The following PLXDC1 variants were observed in gnomAD, a reference collection of about 807,000 sequenced individuals.
The protein encoded by PLXDC1 is plexin domain containing 1.
Under a neutral mutation model 61.3 loss-of-function variants are expected in PLXDC1, and 39 were observed. The observed-to-expected ratio is 0.64, with a 90% CI of 0.49 to 0.83. The LOEUF (loss-of-function observed/expected upper bound fraction) is 0.83, where lower values mean the gene tolerates loss of function less well. PLXDC1 is among the 40% of genes least tolerant of loss of function. PLXDC1 has a pLI of 0.00. For missense variants in PLXDC1, 596 were observed against 666.5 expected (o/e 0.89, Z 1.17); for synonymous variants, 212 against 254.5 (o/e 0.83, Z 1.59).
At position 39,067,729 on chromosome 17, in the gene PLXDC1, C is replaced by T; in HGVS notation, c.*111G>A. ...CAGCTCTGGAGCCATAAACCACCAT[C>T]TCATCTCAGCCCAGGGCATGCTGGG... On this transcript the variant is annotated 3_prime_UTR_variant, in exon 14 of 14. Coordinates refer to ENST00000315392, the MANE Select transcript of PLXDC1 (RefSeq NM_020405.5). 9.4e-7 allele frequency: 1 copy of T among 1,061,480 alleles called. No homozygotes were observed. The highest frequency in any genetic ancestry group is 1.4e-6 in the Non-Finnish European group (1 of 724,696). 65.8% of individuals were successfully genotyped at this position (1,061,480 alleles called of 1,614,324 possible).
chr17:39,117,820 A>G (rs1205020314), intron 2 of PLXDC1, among the ~76,000 whole-genome samples: 3 of 152,172 alleles, frequency 2.0e-5, no homozygotes, highest in Non-Finnish European at 4.4e-5. Flanking sequence ...GCATCCTCCA[A>G]TCTGTCCACA....
chr17:39,108,403 G>A lies in PLXDC1; in HGVS notation c.470-158C>T, dbSNP rs537805442. 6.9e-6 allele frequency: 5 copies of A among 720,952 alleles called. No homozygotes were observed. The Admixed American group carries it at 9.7e-5, about 14-fold the overall frequency. The allele number at this position is 720,952 out of a possible 1,614,324, so 44.7% of individuals were successfully genotyped here. A position where few individuals can be genotyped will look rare whatever the true frequency, so the allele number is the denominator to read the frequency against. ...CCATCTGGCGGGCTCTGGGTCTGGTGTGTATGGAGCCAAAGGACCCCAGAT... is the reference window on the plus strand; with the variant it reads ...CCATCTGGCGGGCTCTGGGTCTGGTATGTATGGAGCCAAAGGACCCCAGAT... On this transcript the variant is annotated intron_variant, in intron 4 of 13. Coordinates refer to ENST00000315392, the MANE Select transcript of PLXDC1 (RefSeq NM_020405.5).
At chr17:39,134,354 G>T (rs1392816024) in intron 2 of PLXDC1, among the ~76,000 whole-genome samples, 3 of 151,762 alleles carry the variant, frequency 2.0e-5, no homozygotes, top group African/African-American at 7.3e-5. Context: ...GGCGGGGTGT[G>T]GTGGCTCACG....
rs1909641211 is a variant in PLXDC1, at chr17:39,083,597, G to A, written c.908-57C>T. On this transcript the variant is annotated intron_variant, in intron 8 of 13. Transcript: ENST00000315392. ...CCGAGCCTCTCCTTGGGCTCCAAAG[G>A]GTGCAACTCTGAATTCCTGGTATTT... 4 of 1,317,880 alleles carry A rather than the reference G, an allele frequency of 3.0e-6. No individual in the cohort carries two copies. In the African/African-American group the frequency reaches 5.8e-5, roughly 19 times the overall value. 81.6% of individuals were successfully genotyped at this position (1,317,880 alleles called of 1,614,324 possible).
rs1056207430 is a variant in PLXDC1, at chr17:39,108,811, T to A, written c.469+93A>T. ...AAATGTGCCTTCCTCCCATTTCATATAACCCTGTCTCCAGTGAGCCACCCC... is the reference window on the plus strand; with the variant it reads ...AAATGTGCCTTCCTCCCATTTCATAAAACCCTGTCTCCAGTGAGCCACCCC... On this transcript the variant is annotated intron_variant, in intron 4 of 13. Coordinates refer to ENST00000315392, the MANE Select transcript of PLXDC1 (RefSeq NM_020405.5). 6 of 803,552 alleles carry A rather than the reference T, an allele frequency of 7.5e-6. No homozygotes were observed. In the African/African-American group the frequency reaches 1.0e-4, roughly 13 times the overall value. 49.8% of individuals were successfully genotyped at this position (803,552 alleles called of 1,614,324 possible). A position where few individuals can be genotyped will look rare whatever the true frequency, so the allele number is the denominator to read the frequency against.
intron 7 of PLXDC1, among the ~76,000 whole-genome samples, chr17:39,098,742 C>A (rs11868721): frequency 0.081 from 12,263 of 152,124 alleles, 695 homozygotes; most frequent in Middle Eastern, 0.14. Context: ...GAGAATGGTG[C>A]CAAGCAGTAA....
chr17:39,078,183 A>T (rs921499314), intron 10 of PLXDC1, 135 bp from the exon 11 acceptor site: 1 of 844,510 alleles, frequency 1.2e-6, no homozygotes, highest in African/African-American at 1.7e-5. Context: ...TGAGATGCCA[A>T]TCTTAAATAA....
intron 7 of PLXDC1, among the ~76,000 whole-genome samples, chr17:39,092,333 C>G (rs1224923549): frequency 6.6e-6 from 1 of 152,150 alleles, no homozygotes; most frequent in African/African-American, 2.4e-5. Flanking sequence ...CTCAGCCTCC[C>G]AAAGCGCTGA....
chr17:39,109,378 C>G lies in PLXDC1; in HGVS notation c.269G>C (p.Ser90Thr), dbSNP rs200198524. The G allele has an allele frequency of 4.2e-5, 67 of 1,594,742 alleles. No individual in the cohort carries two copies. In the East Asian group the frequency reaches 1.4e-3, roughly 34 times the overall value. Residue 90 changes from serine to threonine, a missense_variant, in exon 3 of 14, where the codon AGC becomes ACC. Coordinates refer to ENST00000315392, the MANE Select transcript of PLXDC1 (RefSeq NM_020405.5). The stretch of plus-strand genomic sequence containing the variant: ...GCCATAGAGACGGGACACATAATAG[C>G]TGTGGTTGTCCTCCTGCCGGCACCC... ...NRTRVVEDNH[S>T]YYVSRLYGPS...
At chr17:39,124,258 C>G (rs914809146) in intron 2 of PLXDC1, among the ~76,000 whole-genome samples, 1 of 152,222 alleles carries the variant, frequency 6.6e-6, no homozygotes, top group Non-Finnish European at 1.5e-5. Context: ...CCTTCTGCAT[C>G]AACACGTCAC....
intron 12 of PLXDC1, among the ~76,000 whole-genome samples, chr17:39,071,812 C>CTG (rs1909130294): frequency 6.6e-6 from 1 of 152,136 alleles, no homozygotes; most frequent in Admixed American, 6.5e-5. Context: ...TGCTGGAAGC[C>CTG]CTGATGACAA....
chr17:39,112,227 T>A (rs550137891), intron 2 of PLXDC1: 1 of 152,026 alleles, frequency 6.6e-6, no homozygotes, highest in East Asian at 1.9e-4. Flanking sequence ...GCAAAAAAAA[T>A]ATAGGGGGCC....
At chr17:39,106,483 T>C (rs1376617467) in intron 6 of PLXDC1, among the ~76,000 whole-genome samples, 1 of 151,600 alleles carries the variant, frequency 6.6e-6, no homozygotes, top group African/African-American at 2.4e-5. Flanking sequence ...CATGCTGCCT[T>C]CTTCTATTTT....
chr17:39,108,124 A>G lies in PLXDC1; in HGVS notation c.591T>C (p.Asn197=). The change falls in exon 5 of 14, where the codon AAT becomes AAC. Residue 197 remains asparagine (N), a splice_region_variant and synonymous_variant. Coordinates refer to ENST00000315392, the MANE Select transcript of PLXDC1 (RefSeq NM_020405.5). ...TTAAATTCTGAGATCCAGTCTCACC[A>G]TTGTCAAAGTAAACAACTGTGGAGT... ...SDNSTVVYFD[N]GTVFVVQWDH... The G allele has an allele frequency of 6.2e-7, 1 of 1,614,166 alleles. No individual in the cohort carries two copies. Among genetic ancestry groups the G allele is most frequent in the Non-Finnish European group, 8.5e-7 (1 of 1,180,024 alleles).
At chr17:39,101,651 T>C (rs1383675908) in intron 7 of PLXDC1, among the ~76,000 whole-genome samples, 2 of 152,116 alleles carry the variant, frequency 1.3e-5, no homozygotes, top group Non-Finnish European at 2.9e-5. Context: ...GTGGGCGCTT[T>C]GCCCTCAAGC....
chr17:39,151,676 G>T (rs996135752), upstream of PLXDC1: 81 of 186,756 alleles, frequency 4.3e-4, no homozygotes, highest in Non-Finnish European at 7.1e-4. This position sits in a 1 kb window ranked among gnomAD's most constrained non-coding sequence, Gnocchi z 5.2. Context: ...CGGTGGGGGT[G>T]GGGGGGAGCT....
intron 1 of PLXDC1, among the ~76,000 whole-genome samples, chr17:39,146,048 C>T (rs1194911460): frequency 6.6e-6 from 1 of 150,622 alleles, no homozygotes; most frequent in East Asian, 2.0e-4. Flanking sequence ...AAGCATTAAT[C>T]AGGCTGCACT....
At chr17:39,129,755 GAAAGAAAGAAAGAGAGAAAGAA>G (rs1382380694) in intron 2 of PLXDC1, among the ~76,000 whole-genome samples, 1 of 146,260 alleles carries the variant, frequency 6.8e-6, no homozygotes, top group African/African-American at 2.6e-5. Flanking sequence ...AGAAAAGCAA[GAAAGAAAGAAAGAGAGAAAGAA>G]AAAGAAAGAA....
At chr17:39,139,587 C>T (rs994694878) in intron 2 of PLXDC1, 67 bp downstream of exon 2, 3 of 1,428,432 alleles carry the variant, frequency 2.1e-6, no homozygotes, top group Non-Finnish European at 2.9e-6. Flanking sequence ...ACAAGCACAC[C>T]TGGGGCAGCT....
Sources: gnomAD v4.1 joint callset for allele counts (sites outside exome capture counted in the v4.1 genomes callset) on GRCh38, gnomAD v4.1.1 for gene constraint, Gnocchi (gnomAD v3.1) non-coding constraint, MANE v1.5 for transcripts, NCBI Gene and HGNC (gene_info 2026-07-23, HGNC 2026-07-21) for gene names.